The following SGCZ variants were observed in gnomAD, a reference collection of about 807,000 sequenced individuals.
SGCZ encodes sarcoglycan zeta.
A neutral mutation model predicts 41.3 loss-of-function variants in SGCZ; 40 were observed. The ratio of observed to expected loss-of-function variants is 0.97; its 90% CI spans 0.75 to 1.26. SGCZ has a LOEUF of 1.26. SGCZ is among the 50% of genes most tolerant of loss of function. The pLI, the probability that SGCZ is intolerant of heterozygous loss-of-function variation, is 0.00. For missense variants in SGCZ, 552 were observed against 369.8 expected, an observed-to-expected ratio of 1.49 and a Z score of -4.04; for synonymous variants, 206 against 137.5, an observed-to-expected ratio of 1.50 and a Z score of -3.49.
At chr8:14,631,827 T>C (rs1585140010) in intron 1 of SGCZ, among the ~76,000 whole-genome samples, 1 of 152,086 alleles carries the variant, frequency 6.6e-6, no homozygotes, top group South Asian at 2.1e-4. Flanking sequence ...AGGCCTTTAA[T>C]ACATATGCTT....
intron 4 of SGCZ, among the ~76,000 whole-genome samples, chr8:14,234,395 T>G (rs1310560916): frequency 1.3e-5 from 2 of 152,034 alleles, no homozygotes; most frequent in Non-Finnish European, 2.9e-5. Flanking sequence ...GATATTCGCT[T>G]TGCTGAAACT....
At chr8:14,461,470 C>T (rs1312301352) in intron 2 of SGCZ, among the ~76,000 whole-genome samples, 1 of 152,080 alleles carries the variant, frequency 6.6e-6, no homozygotes, top group African/African-American at 2.4e-5. Context: ...TTTAGAAATG[C>T]AGAATCTCAG....
intron 1 of SGCZ, among the ~76,000 whole-genome samples, chr8:14,811,516 A>ACCT (rs1801736840): frequency 4.4e-5 from 2 of 45,154 alleles, no homozygotes; most frequent in Non-Finnish European, 4.2e-5. Flanking sequence ...AAGACACTGC[A>ACCT]TCTTTTTTTT....
At chr8:14,429,545 C>A (rs1799884146) in intron 2 of SGCZ, among the ~76,000 whole-genome samples, 1 of 152,106 alleles carries the variant, frequency 6.6e-6, no homozygotes, top group South Asian at 2.1e-4. Context: ...TGAAGAGTAG[C>A]CCCCAAAGAA....
intron 1 of SGCZ, among the ~76,000 whole-genome samples, chr8:14,972,064 T>C (rs1255190297): frequency 6.6e-6 from 1 of 152,170 alleles, no homozygotes; most frequent in African/African-American, 2.4e-5. Context: ...AGTTGTAGTT[T>C]TTCTTCTTTT....
At chr8:14,299,517 C>T (rs1202324103) in intron 3 of SGCZ, among the ~76,000 whole-genome samples, 1 of 151,826 alleles carries the variant, frequency 6.6e-6, no homozygotes, top group African/African-American at 2.4e-5. Flanking sequence ...ATGCAATTCA[C>T]AGGAAAAGAT....
At chr8:14,123,850 A>G (rs898222485) in intron 5 of SGCZ, among the ~76,000 whole-genome samples, 4 of 152,178 alleles carry the variant, frequency 2.6e-5, no homozygotes, top group Non-Finnish European at 4.4e-5. Context: ...TCATTGGATT[A>G]TCTTAAAAAC....
In SGCZ at chr8:15,015,396, T is replaced by G. The variant is rs57658037; in HGVS notation, c.39+222189A>C. On this transcript the variant is annotated intron_variant, in intron 1 of 7. Transcript: ENST00000382080. ...AATAAGACAGATTATAATATACTTTTTGTTACTTGAAACATACACGTGGCT... is the reference window on the plus strand; with the variant it reads ...AATAAGACAGATTATAATATACTTTGTGTTACTTGAAACATACACGTGGCT... 8.1e-3 allele frequency among the ~76,000 whole-genome samples: 1,233 copies of G among 152,078 alleles called. 23 individuals are homozygous for G. The highest frequency in any genetic ancestry group is 0.028 in the African/African-American group (1,177 of 41,474).
intron 3 of SGCZ, chr8:14,309,172 A>G (rs1801443741): frequency 2.0e-6 from 3 of 1,478,548 alleles, no homozygotes; most frequent in Non-Finnish European, 9.4e-7. Flanking sequence ...AAAACGAAAA[A>G]AGCAAAACTT....
At chr8:14,741,404 A>G (rs368685565) in intron 1 of SGCZ, among the ~76,000 whole-genome samples, 3 of 152,080 alleles carry the variant, frequency 2.0e-5, no homozygotes, top group African/African-American at 7.2e-5. Context: ...ATATTTTTCC[A>G]TTCTATCCTT....
intron 3 of SGCZ, among the ~76,000 whole-genome samples, chr8:14,296,997 C>T (rs538630411): frequency 6.6e-6 from 1 of 152,140 alleles, no homozygotes; most frequent in South Asian, 2.1e-4. Context: ...TCTCAGCTCA[C>T]TGCAACCTCC....
intron 2 of SGCZ, among the ~76,000 whole-genome samples, chr8:14,372,118 A>G (rs983118247): frequency 6.6e-6 from 1 of 152,174 alleles, no homozygotes; most frequent in African/African-American, 2.4e-5. Context: ...AGGATATACA[A>G]TAAGAAAGGA....
chr8:15,082,626 G>C (rs1205115814), intron 1 of SGCZ, among the ~76,000 whole-genome samples: 1 of 152,036 alleles, frequency 6.6e-6, no homozygotes, highest in Non-Finnish European at 1.5e-5. Flanking sequence ...CCAGTGCAGA[G>C]GCATGGCAGG....
intron 2 of SGCZ, among the ~76,000 whole-genome samples, chr8:14,529,662 T>A (rs1037486731): frequency 2.0e-5 from 3 of 152,104 alleles, no homozygotes; most frequent in Non-Finnish European, 4.4e-5. Flanking sequence ...TGCCCTAATA[T>A]TTCTATCAGT....
Position 15,099,669 on chromosome 8 carries a change from G to C in SGCZ, c.39+137916C>G, listed in dbSNP as rs78059360. 9.1e-3 allele frequency among the ~76,000 whole-genome samples: 1,380 copies of C among 152,142 alleles called. 19 individuals are homozygous for C. Among genetic ancestry groups the C allele is most frequent in the African/African-American group, 0.032 (1,332 of 41,532 alleles). ...ACCTGGAAAGACTTTACAAAAAAGA[G>C]AAAATTACACCAATATCTCTCTAAA... On this transcript the variant is annotated intron_variant, in intron 1 of 7. Coordinates refer to ENST00000382080, the MANE Select transcript of SGCZ (RefSeq NM_139167.4).
chr8:14,509,078 T>C (rs973539884), intron 2 of SGCZ, among the ~76,000 whole-genome samples: 3 of 152,124 alleles, frequency 2.0e-5, no homozygotes, highest in Non-Finnish European at 4.4e-5. Context: ...ATTAACATAA[T>C]AGAGAAAGAT....
intron 1 of SGCZ, among the ~76,000 whole-genome samples, chr8:14,998,717 G>T (rs754491356): frequency 6.6e-6 from 1 of 152,210 alleles, no homozygotes; most frequent in Non-Finnish European, 1.5e-5. Flanking sequence ...GTCCTGTATA[G>T]AGTTGCAATG....
Position 14,786,415 on chromosome 8 carries a change from G to GGGGAA in SGCZ, c.40-231490_40-231489insTTCCC, listed in dbSNP as rs1367160899. Among the ~76,000 whole-genome samples, 17 of 152,122 alleles carry GGGGAA rather than the reference G, an allele frequency of 1.1e-4. No individual in the cohort carries two copies. In the East Asian group the frequency reaches 3.3e-3, roughly 29 times the overall value. ...TAAAGATTTATTTATGAAATGAAAG[G>GGGGAA]ATTATGAAATTTCCATGAAACTTGG... On this transcript the variant is annotated intron_variant, in intron 1 of 7. Coordinates refer to ENST00000382080, the MANE Select transcript of SGCZ (RefSeq NM_139167.4).
intron 2 of SGCZ, among the ~76,000 whole-genome samples, chr8:14,407,782 C>G (rs1313881864): frequency 2.0e-5 from 3 of 152,014 alleles, no homozygotes; most frequent in Non-Finnish European, 1.5e-5. Context: ...GCATGTATTT[C>G]CCTAGGTCAA....
Sources: gnomAD v4.1 joint callset for allele counts (sites outside exome capture counted in the v4.1 genomes callset) on GRCh38, gnomAD v4.1.1 for gene constraint, MANE v1.5 for transcripts, NCBI Gene and HGNC (gene_info 2026-07-23, HGNC 2026-07-21) for gene names.